The following ANKK1 variants were observed in gnomAD, a reference collection of about 807,000 sequenced individuals.
The protein encoded by ANKK1 is ankyrin repeat and protein kinase domain-containing protein 1.
A neutral mutation model predicts 37.6 loss-of-function variants in ANKK1; 37 were observed. That is an observed-to-expected ratio of 0.98 (90% CI 0.76 to 1.29). The LOEUF is 1.29. ANKK1 is among the 50% of genes most tolerant of loss of function. The probability of loss-of-function intolerance (pLI) is 0.00; values close to 1 mark genes in which losing one functional copy is unlikely to be tolerated. For synonymous variants in ANKK1, 415 were observed against 418.7 expected (o/e 0.99, Z 0.11); for missense variants, 1,019 against 990.6 (o/e 1.03, Z -0.39).
At position 113,393,795 on chromosome 11, in the gene ANKK1, C is replaced by T. The variant is rs770968848; in HGVS notation, c.480+20C>T. The T allele has an allele frequency of 4.6e-5, 72 of 1,571,404 alleles. No individual in the cohort carries two copies. The highest frequency in any genetic ancestry group is 5.7e-5 in the Non-Finnish European group (66 of 1,161,830). On this transcript the variant is annotated intron_variant, in intron 2 of 7. Transcript: ENST00000303941. ...GTCAAAGTAAGGGCTCTGGCCAATC[C>T]TCCGCTCCCTTTCACTTGAGGGTTG...
rs748677947 is a variant in ANKK1 at position 113,393,508 on chromosome 11, A to C, written c.213A>C (p.Glu71Asp). The C allele has an allele frequency of 3.1e-5, 50 of 1,613,786 alleles. No individual in the cohort carries two copies. The highest frequency in any genetic ancestry group is 1.7e-6 in the Non-Finnish European group (2 of 1,179,726). The change falls in exon 2 of 8, where the codon GAA (glutamate) becomes GAC (aspartate). Residue 71 changes from glutamate to aspartate, a missense_variant. Glu to Asp is a conservative substitution (Grantham distance 45, BLOSUM62 2). Transcript: ENST00000303941. The stretch of plus-strand genomic sequence containing the variant: ...CTGATGTGAATTACCTCATTGAAGA[A>C]GCTGCCAAAATGAAGAAGATCAAGT... ...ASSDVNYLIEEAAKMKKIKFQ... is the reference protein window; with the variant it reads ...ASSDVNYLIEDAAKMKKIKFQ...
intron 6 of ANKK1, among the ~76,000 whole-genome samples, chr11:113,397,596 G>A (rs1387270762): frequency 1.3e-5 from 2 of 152,316 alleles, no homozygotes; most frequent in African/African-American, 4.8e-5. Flanking sequence ...GTCCTGCAGA[G>A]GAAGGCCCGG....
intron 7 of ANKK1, 68 bp downstream of exon 7, chr11:113,398,084 T>A: frequency 6.5e-7 from 1 of 1,529,806 alleles, no homozygotes; most frequent in Non-Finnish European, 8.9e-7. Context: ...AACCACACCC[T>A]TTCCCCATCC....
intron 3 of ANKK1, 46 bp from the exon 4 acceptor site, chr11:113,395,313 T>A (rs1009031943): frequency 5.0e-6 from 8 of 1,611,426 alleles, no homozygotes; most frequent in Non-Finnish European, 5.9e-6. Flanking sequence ...GGGGTGATCT[T>A]GGATGTTCAA....
intron 1 of ANKK1, among the ~76,000 whole-genome samples, chr11:113,388,492 G>T (rs1950564212): frequency 6.6e-6 from 1 of 152,258 alleles, no homozygotes; most frequent in African/African-American, 2.4e-5. Context: ...ATCCTGGGAG[G>T]CTGTGGCACT....
At position 113,399,726 on chromosome 11, in the gene ANKK1, T is replaced by C; in HGVS notation, c.1757T>C (p.Leu586Pro). 6.2e-7 allele frequency: 1 copy of C among 1,600,534 alleles called. No homozygotes were observed. The highest frequency in any genetic ancestry group is 8.5e-7 in the Non-Finnish European group (1 of 1,173,740). Residue 586 changes from leucine to proline, a missense_variant, in exon 8 of 8, where the codon CTT becomes CCT. Transcript: ENST00000303941. ...CKMLLRYGAS[L>P]ELPTHQGWTP... ...ATGCTGCTCAGGTACGGAGCCAGCCTTGAGCTGCCCACCCACCAGGGCTGG... is the reference window on the plus strand; with the variant it reads ...ATGCTGCTCAGGTACGGAGCCAGCCCTGAGCTGCCCACCCACCAGGGCTGG...
chr11:113,395,469 A>G (rs1220720639), intron 4 of ANKK1, 61 bp downstream of exon 4: 2 of 1,571,268 alleles, frequency 1.3e-6, no homozygotes, highest in Non-Finnish European at 1.7e-6. Flanking sequence ...GGGCTCCTGG[A>G]AGGGGCTGTG....
intron 7 of ANKK1, among the ~76,000 whole-genome samples, chr11:113,398,257 T>C (rs1355176956): frequency 6.8e-6 from 1 of 147,580 alleles, no homozygotes; most frequent in African/African-American, 2.5e-5. Flanking sequence ...TTTCCTGACC[T>C]GAAAGGTGGA....
chr11:113,390,511 G>T (rs1950578972), intron 1 of ANKK1, among the ~76,000 whole-genome samples: 1 of 152,310 alleles, frequency 6.6e-6, no homozygotes, highest in East Asian at 1.9e-4. Context: ...GGCCAAGGCT[G>T]GTGGATCACC....
At chr11:113,392,086 G>C (rs1205707562) in intron 1 of ANKK1, among the ~76,000 whole-genome samples, 1 of 152,164 alleles carries the variant, frequency 6.6e-6, no homozygotes, top group African/African-American at 2.4e-5. Context: ...ATGAAGAGGA[G>C]AGACAGCAGT....
In ANKK1 at chr11:113,394,940, C is replaced by T. The variant is rs751094655; in HGVS notation, c.492C>T (p.Phe164=). Residue 164 remains phenylalanine (F), a synonymous_variant, in exon 3 of 8, where the codon TTC becomes TTT. Coordinates refer to ENST00000303941, the MANE Select transcript of ANKK1 (RefSeq NM_178510.2). Reference sequence around the variant, plus strand: ...CTGCCTTCTCCCAGATTTCAGACTTCGGCCTGTCCAAGTGGATGGAACAGT... The same window carrying T: ...CTGCCTTCTCCCAGATTTCAGACTTTGGCCTGTCCAAGTGGATGGAACAGT... ...DSNMHVKISD[F]GLSKWMEQST... The T allele has an allele frequency of 5.0e-6, 8 of 1,608,384 alleles. No individual in the cohort carries two copies. The highest frequency in any genetic ancestry group is 1.7e-4 in the Middle Eastern group (1 of 6,040).
At position 113,395,170 on chromosome 11, in the gene ANKK1, C is replaced by A. The variant is rs994829804; in HGVS notation, c.632+90C>A. 11 of 1,512,642 alleles carry A rather than the reference C, an allele frequency of 7.3e-6. 1 individual carries two copies. In the Admixed American group the frequency reaches 1.0e-4, roughly 14 times the overall value. The allele number at this position is 1,512,642 out of a possible 1,614,324, so 93.7% of individuals were successfully genotyped here. On this transcript the variant is annotated intron_variant, in intron 3 of 7. Transcript: ENST00000303941. ...GGCCTCTATGGCCCAAAGGGCAGGG[C>A]AGTGCGGGCATGAGGTCTGGCCCAA...
intron 1 of ANKK1, 29 bp downstream of exon 1, chr11:113,388,098 C>T (rs776249480): frequency 4.8e-6 from 7 of 1,446,132 alleles, no homozygotes; most frequent in Non-Finnish European, 5.5e-6. Flanking sequence ...TCCCCTTTCT[C>T]GGAGGAGAAA....
intron 1 of ANKK1, among the ~76,000 whole-genome samples, chr11:113,391,601 C>T (rs140819428): frequency 9.8e-4 from 149 of 151,988 alleles, no homozygotes; most frequent in African/African-American, 3.4e-3. Context: ...AGAAAGGAGT[C>T]GAAGATGACA....
chr11:113,388,029 G>A lies in ANKK1; in HGVS notation c.145G>A (p.Ala49Thr), dbSNP rs1950558988. Reference sequence around the variant, plus strand: ...GCACAGGCGCTGGCGGACGGAGTACGCCATCAAGTGCGCCCCCTGCCTTCC... The same window carrying A: ...GCACAGGCGCTGGCGGACGGAGTACACCATCAAGTGCGCCCCCTGCCTTCC... ...ARHRRWRTEYAIKCAPCLPPD... is the reference protein window; with the variant it reads ...ARHRRWRTEYTIKCAPCLPPD... Residue 49 changes from alanine (A) to threonine (T), a missense_variant, in exon 1 of 8, where the codon GCC (alanine) becomes ACC (threonine). Ala to Thr is a moderately conservative substitution (Grantham distance 58, BLOSUM62 0). Coordinates refer to ENST00000303941, the MANE Select transcript of ANKK1 (RefSeq NM_178510.2). 6.5e-7 allele frequency: 1 copy of A among 1,544,114 alleles called. No individual in the cohort carries two copies.
Position 113,400,383 on chromosome 11 carries a change from C to G in ANKK1, c.*116C>G, listed in dbSNP as rs1236348858. The G allele has an allele frequency of 1.9e-6, 2 of 1,075,524 alleles. No individual in the cohort carries two copies. Among genetic ancestry groups the G allele is most frequent in the South Asian group, 1.7e-5 (1 of 59,440 alleles). The allele number at this position is 1,075,524 out of a possible 1,614,324, so 66.6% of individuals were successfully genotyped here. On this transcript the variant is annotated 3_prime_UTR_variant, in exon 8 of 8. Coordinates refer to ENST00000303941, the MANE Select transcript of ANKK1 (RefSeq NM_178510.2). ...GCCAGCCTGGCCAACATGGCAAAAC[C>G]CTGTCTCTGCTAAAAATACAAAATT... is the stretch of plus-strand genomic sequence containing the variant.
intron 1 of ANKK1, among the ~76,000 whole-genome samples, chr11:113,391,751 A>T (rs7945132): frequency 0.69 from 104,076 of 151,838 alleles, 36,079 homozygotes; most frequent in African/African-American, 0.78. Flanking sequence ...ATTGGAGATG[A>T]TGAGGTTGAC....
At chr11:113,393,325 G>C (rs1950602584) in intron 1 of ANKK1, among the ~76,000 whole-genome samples, 156 bp from the exon 2 acceptor site, 2 of 152,110 alleles carry the variant, frequency 1.3e-5, no homozygotes, top group Admixed American at 1.3e-4. Context: ...GCTAAGTATT[G>C]CTTCATGTCT....
chr11:113,390,426 G>T (rs1346295740), intron 1 of ANKK1, among the ~76,000 whole-genome samples: 1 of 152,194 alleles, frequency 6.6e-6, no homozygotes, highest in African/African-American at 2.4e-5. Context: ...GGAGTCATTT[G>T]TTATAAGTGG....
Sources: gnomAD v4.1 joint callset for allele counts (sites outside exome capture counted in the v4.1 genomes callset) on GRCh38, gnomAD v4.1.1 for gene constraint, MANE v1.5 for transcripts, NCBI Gene and HGNC (gene_info 2026-07-23, HGNC 2026-07-21) for gene names.